Variants in EPM2A observed in about 807,000 individuals in gnomAD.
EPM2A encodes the protein EPM2A glucan phosphatase, laforin, also known as laforin.
A neutral mutation model predicts 26.5 loss-of-function variants in EPM2A; 21 were observed. The ratio of observed to expected loss-of-function variants is 0.79; its 90% confidence interval spans 0.56 to 1.14. EPM2A has a LOEUF of 1.14. Ranked by LOEUF, EPM2A falls within the 50% of genes most tolerant of loss-of-function variation. The pLI is 0.00. For synonymous variants in EPM2A, 217 were observed against 177.6 expected (o/e 1.22, Z -1.76); for missense variants, 458 against 440.8 (o/e 1.04, Z -0.35).
intron 1 of EPM2A, among the ~76,000 whole-genome samples, chr6:145,714,146 T>C (rs1327458970): frequency 6.6e-6 from 1 of 152,192 alleles, no homozygotes; most frequent in Non-Finnish European, 1.5e-5. Context: ...ATGTCATAAG[T>C]GTTGATAGTT....
chr6:145,696,609 A>G (rs1781583542), intron 1 of EPM2A, among the ~76,000 whole-genome samples: 1 of 152,212 alleles, frequency 6.6e-6, no homozygotes, highest in Non-Finnish European at 1.5e-5. Flanking sequence ...AGTAACCCAT[A>G]CAGCAATGAT....
At chr6:145,437,241 G>A (rs1298953961) in intron 4 of EPM2A, among the ~76,000 whole-genome samples, 1 of 151,774 alleles carries the variant, frequency 6.6e-6, no homozygotes, top group Non-Finnish European at 1.5e-5. Flanking sequence ...CTGCCTCCAT[G>A]TGAAGAAGGT....
intron 2 of EPM2A, among the ~76,000 whole-genome samples, chr6:145,509,922 T>A (rs902315396): frequency 6.6e-5 from 10 of 150,924 alleles, no homozygotes; most frequent in Non-Finnish European, 1.5e-4. Context: ...CAAAAAGGAG[T>A]AAATGTCACT....
At chr6:145,387,293 A>G (rs36121637) in intron 4 of EPM2A, among the ~76,000 whole-genome samples, 55,845 of 151,948 alleles carry the variant, frequency 0.37, 12,068 homozygotes, top group East Asian at 0.66. Context: ...CATCTCAAAC[A>G]TTAATGATGA....
intron 2 of EPM2A, among the ~76,000 whole-genome samples, chr6:145,559,747 C>A (rs1780779513): frequency 6.7e-6 from 1 of 149,354 alleles, no homozygotes. Flanking sequence ...CTAATTGATA[C>A]CAACTTTGTA....
intron 2 of EPM2A, chr6:145,671,206 A>T: frequency 9.8e-7 from 1 of 1,021,446 alleles, no homozygotes; most frequent in Non-Finnish European, 1.2e-6. Flanking sequence ...AAAAAAAAAA[A>T]ATCTTATCAT....
At chr6:145,494,319 C>T (rs1779791288) in intron 4 of EPM2A, among the ~76,000 whole-genome samples, 1 of 152,114 alleles carries the variant, frequency 6.6e-6, no homozygotes, top group Admixed American at 6.5e-5. Context: ...TCTGTGGGTT[C>T]AGTGGTAATA....
chr6:145,532,210 T>A (rs1300160293), intron 2 of EPM2A, among the ~76,000 whole-genome samples: 1 of 152,112 alleles, frequency 6.6e-6, no homozygotes, highest in Non-Finnish European at 1.5e-5. Flanking sequence ...CAGAACCCAC[T>A]GCAGAAAAAA....
At chr6:145,596,431 T>A (rs1425600592) in intron 2 of EPM2A, among the ~76,000 whole-genome samples, 1 of 152,186 alleles carries the variant, frequency 6.6e-6, no homozygotes, top group African/African-American at 2.4e-5. Flanking sequence ...TTCTGTTAGA[T>A]GAAAATCTCT....
chr6:145,447,154 TACTC>T (rs921555780), intron 4 of EPM2A, among the ~76,000 whole-genome samples: 11 of 152,254 alleles, frequency 7.2e-5, no homozygotes, highest in Admixed American at 5.9e-4. Context: ...GTAAAAAAGA[TACTC>T]AATAAATATT....
chr6:145,649,158 T>C (rs1777696990), intron 2 of EPM2A, among the ~76,000 whole-genome samples: 1 of 152,198 alleles, frequency 6.6e-6, no homozygotes, highest in South Asian at 2.1e-4. Context: ...TTCACAGTAA[T>C]TCTCATAGAT....
At chr6:145,439,274 G>A (rs534497841) in intron 4 of EPM2A, among the ~76,000 whole-genome samples, 2 of 152,190 alleles carry the variant, frequency 1.3e-5, no homozygotes, top group African/African-American at 2.4e-5. Flanking sequence ...AATAACATAC[G>A]TGTGCATGTG....
chr6:145,726,435 T>G (rs1208657529), intron 1 of EPM2A, among the ~76,000 whole-genome samples: 1 of 152,134 alleles, frequency 6.6e-6, no homozygotes, highest in Non-Finnish European at 1.5e-5. Context: ...TTCTCACTTT[T>G]TAAACGTGAG....
chr6:145,692,442 A>G (rs1356896014), intron 1 of EPM2A, among the ~76,000 whole-genome samples: 2 of 152,094 alleles, frequency 1.3e-5, no homozygotes, highest in East Asian at 3.8e-4. Flanking sequence ...AAGATAGAAC[A>G]TATCCTGTAC....
rs149717262 is a variant in EPM2A, at chr6:145,664,729, C to A, written c.476+21393G>T. 3.3e-5 allele frequency among the ~76,000 whole-genome samples: 5 copies of A among 152,044 alleles called. No individual in the cohort carries two copies. In the East Asian group the frequency reaches 7.7e-4, roughly 23 times the overall value. ...ATATACATTTTTTTCAGCACCACAC[C>A]ATACCTATTCCAAAATTGACCACAT... On this transcript the variant is annotated intron_variant, in intron 2 of 3. Coordinates refer to ENST00000367519, the MANE Select transcript of EPM2A (RefSeq NM_005670.4).
chr6:145,603,338 A>G (rs576287465), intron 2 of EPM2A, among the ~76,000 whole-genome samples: 7 of 150,456 alleles, frequency 4.7e-5, no homozygotes, highest in Admixed American at 2.0e-4. Context: ...GCAAATTGTC[A>G]AAGTAATTGG....
intron 1 of EPM2A, among the ~76,000 whole-genome samples, chr6:145,703,769 A>G (rs922017785): frequency 1.2e-4 from 18 of 152,220 alleles, no homozygotes; most frequent in African/African-American, 4.3e-4. Flanking sequence ...AAGCTTTACA[A>G]GTATACTTTT....
chr6:145,669,007 G>A (rs1352225017), intron 2 of EPM2A, among the ~76,000 whole-genome samples: 1 of 152,234 alleles, frequency 6.6e-6, no homozygotes, highest in South Asian at 2.1e-4. Context: ...ATGAGTGAGT[G>A]TGTGAGTAGG....
chr6:145,487,215 C>A (rs1178267830), intron 4 of EPM2A, among the ~76,000 whole-genome samples: 1 of 152,130 alleles, frequency 6.6e-6, no homozygotes, highest in African/African-American at 2.4e-5. Context: ...GTTATATGTA[C>A]CACATTTTCT....
Sources: allele counts gnomAD v4.1 joint callset (sites outside exome capture counted in the v4.1 genomes callset), GRCh38; gene constraint gnomAD v4.1.1; transcripts MANE v1.5; gene names NCBI Gene and HGNC (gene_info 2026-07-23, HGNC 2026-07-21).